Variants in CTNNA3 observed in about 807,000 individuals in gnomAD.
CTNNA3 encodes the protein catenin alpha 3, also known as catenin alpha-3.
In CTNNA3, 76 loss-of-function variants were observed where a neutral mutation model predicts 95.7. The observed-to-expected ratio is 0.79, with a 90% confidence interval of 0.66 to 0.96. The LOEUF (loss-of-function observed/expected upper bound fraction) is 0.96. Among genes scored for constraint, CTNNA3 ranks in the 40% least tolerant of loss-of-function variants. CTNNA3 has a pLI of 0.00. For synonymous variants in CTNNA3, 431 were observed against 374.4 expected, an observed-to-expected ratio of 1.15 and a Z score of -1.74; for missense variants, 1,191 against 1,089.8, an observed-to-expected ratio of 1.09 and a Z score of -1.31.
chr10:66,089,952 C>T (rs1056818511), intron 14 of CTNNA3, among the ~76,000 whole-genome samples: 1 of 151,848 alleles, frequency 6.6e-6, no homozygotes, highest in Non-Finnish European at 1.5e-5. Flanking sequence ...CTTATAACAC[C>T]ATTTTATATT....
intron 9 of CTNNA3, among the ~76,000 whole-genome samples, chr10:66,646,931 T>G (rs190657546): frequency 6.3e-4 from 96 of 151,348 alleles, no homozygotes; most frequent in African/African-American, 2.2e-3. Context: ...CAGAGAAAAA[T>G]GGGTATAATT....
intron 10 of CTNNA3, among the ~76,000 whole-genome samples, chr10:66,606,192 G>A (rs564025370): frequency 2.0e-5 from 3 of 152,128 alleles, no homozygotes; most frequent in Non-Finnish European, 4.4e-5. Context: ...TTATATAACA[G>A]TAAAGGGTTA....
intron 12 of CTNNA3, among the ~76,000 whole-genome samples, chr10:66,333,402 G>A (rs2092355304): frequency 3.9e-5 from 6 of 151,922 alleles, no homozygotes; most frequent in African/African-American, 1.4e-4. Flanking sequence ...TTCTTTGAAT[G>A]TGTCCCAGAG....
At chr10:66,642,635 C>T (rs188747640) in intron 9 of CTNNA3, among the ~76,000 whole-genome samples, 65 of 152,010 alleles carry the variant, frequency 4.3e-4, no homozygotes, top group South Asian at 4.1e-4. Flanking sequence ...TATAAATGCC[C>T]GCCATTTTCA....
rs1841848178 is a variant in CTNNA3 at position 67,567,495 on chromosome 10, T to C, written c.293-27826A>G. Reference sequence around the variant, plus strand: ...AATTGGTTAATGCGTACAATGTACGTTACTTGGGTGATGAATACCTTGAAA... The same window carrying C: ...AATTGGTTAATGCGTACAATGTACGCTACTTGGGTGATGAATACCTTGAAA... On this transcript the variant is annotated intron_variant, in intron 3 of 17. Coordinates refer to ENST00000433211, the MANE Select transcript of CTNNA3 (RefSeq NM_013266.4). Among the ~76,000 whole-genome samples the C allele has an allele frequency of 2.0e-5, 3 of 152,150 alleles. No individual in the cohort carries two copies. The South Asian group carries it at 6.2e-4, about 32-fold the overall frequency.
chr10:66,791,752 T>C (rs1314705127), intron 7 of CTNNA3, among the ~76,000 whole-genome samples: 1 of 151,830 alleles, frequency 6.6e-6, no homozygotes, highest in Admixed American at 6.6e-5. Context: ...ATTAATTACT[T>C]GTTTTTATAA....
At chr10:66,693,375 T>C (rs1242312447) in intron 9 of CTNNA3, among the ~76,000 whole-genome samples, 4 of 145,932 alleles carry the variant, frequency 2.7e-5, no homozygotes, top group South Asian at 2.2e-4. Flanking sequence ...GGCCATTACA[T>C]AATGGTAAAG....
At chr10:67,259,094 G>A (rs2132384313) in intron 5 of CTNNA3, among the ~76,000 whole-genome samples, 1 of 152,166 alleles carries the variant, frequency 6.6e-6, no homozygotes, top group Admixed American at 6.5e-5. Context: ...ACCCACAGTT[G>A]ATTGAATCTG....
intron 7 of CTNNA3, among the ~76,000 whole-genome samples, chr10:66,998,401 G>A (rs1459468084): frequency 1.3e-5 from 2 of 152,072 alleles, no homozygotes; most frequent in Non-Finnish European, 2.9e-5. Context: ...ATAAAATGTA[G>A]ACATAAATCA....
intron 11 of CTNNA3, among the ~76,000 whole-genome samples, chr10:66,492,900 A>G (rs72637080): frequency 0.082 from 12,440 of 152,036 alleles, 1,199 homozygotes; most frequent in East Asian, 0.32. Flanking sequence ...ATGGTTCTGC[A>G]TTTTTTTCCT....
chr10:66,959,658 C>T (rs1161293112), intron 7 of CTNNA3, among the ~76,000 whole-genome samples: 2 of 152,130 alleles, frequency 1.3e-5, no homozygotes, highest in African/African-American at 4.8e-5. Context: ...TGTGCCAATG[C>T]CCCCATTCTA....
intron 5 of CTNNA3, among the ~76,000 whole-genome samples, chr10:67,324,592 C>T (rs997925007): frequency 2.6e-5 from 4 of 151,970 alleles, no homozygotes; most frequent in Admixed American, 1.3e-4. Context: ...AAAGCCTAAT[C>T]GATTATGGTG....
intron 13 of CTNNA3, among the ~76,000 whole-genome samples, chr10:66,130,676 C>T (rs2133846844): frequency 6.6e-6 from 1 of 151,788 alleles, no homozygotes. Flanking sequence ...AACCCTGTCT[C>T]TACTAAAAAT....
intron 12 of CTNNA3, among the ~76,000 whole-genome samples, chr10:66,292,902 T>C (rs1194910164): frequency 1.3e-5 from 2 of 152,180 alleles, no homozygotes; most frequent in Admixed American, 1.3e-4. Flanking sequence ...CCTTGCCTAT[T>C]ATCCTCAAGA....
intron 17 of CTNNA3, among the ~76,000 whole-genome samples, chr10:65,949,586 G>A (rs2077576750): frequency 6.6e-6 from 1 of 152,104 alleles, no homozygotes; most frequent in South Asian, 2.1e-4. Context: ...AAAAGCATGG[G>A]GAGGTAGGGC....
chr10:67,262,626 T>C (rs1020271290), intron 5 of CTNNA3, among the ~76,000 whole-genome samples: 17 of 152,172 alleles, frequency 1.1e-4, no homozygotes, highest in African/African-American at 3.9e-4. Flanking sequence ...TTTAAACAGT[T>C]TTTTTAAAAA....
chr10:67,378,384 G>C (rs1589231655), intron 5 of CTNNA3, among the ~76,000 whole-genome samples: 1 of 152,000 alleles, frequency 6.6e-6, no homozygotes, highest in Non-Finnish European at 1.5e-5. Context: ...AACCAGGTAT[G>C]GTTATCAAAA....
At chr10:66,308,739 C>A (rs1449700508) in intron 12 of CTNNA3, among the ~76,000 whole-genome samples, 1 of 151,954 alleles carries the variant, frequency 6.6e-6, no homozygotes, top group Non-Finnish European at 1.5e-5. Context: ...TCAGTGAAGA[C>A]AATTTTCTTG....
chr10:66,796,559 T>A (rs1841199364), intron 7 of CTNNA3, among the ~76,000 whole-genome samples: 1 of 152,158 alleles, frequency 6.6e-6, no homozygotes, highest in East Asian at 1.9e-4. Context: ...AACAGAGGCA[T>A]GAAACGAGTT....
Sources: gnomAD v4.1 joint callset for allele counts (sites outside exome capture counted in the v4.1 genomes callset) on GRCh38, gnomAD v4.1.1 for gene constraint, MANE v1.5 for transcripts, NCBI Gene and HGNC (gene_info 2026-07-23, HGNC 2026-07-21) for gene names.